Variants in SETBP1 observed in about 807,000 individuals in gnomAD.
SETBP1 encodes the protein SET binding protein 1.
In SETBP1, 9 loss-of-function variants were observed where a neutral mutation model predicts 101.0. That is an observed-to-expected ratio of 0.09 (90% CI 0.05 to 0.16). The LOEUF is 0.16. SETBP1 is among the 10% of genes least tolerant of loss of function. SETBP1 has a pLI of 1.00. For missense variants in SETBP1, 1,858 were observed against 2,033.8 expected, an observed-to-expected ratio of 0.91 and a Z score of 1.66; for synonymous variants, 818 against 788.5, an observed-to-expected ratio of 1.04 and a Z score of -0.63.
In SETBP1 at chr18:44,951,599, T is replaced by C. The variant is rs141924960; in HGVS notation, c.2259T>C (p.Ser753=). 5 of 1,614,058 alleles carry C rather than the reference T, an allele frequency of 3.1e-6. No homozygotes were observed. The highest frequency in any genetic ancestry group is 4.2e-6 in the Non-Finnish European group (5 of 1,180,034). ...KTAIKHPRPV[S]SQPDVPAVPS... is the part of the protein sequence containing the mutation. ...CCATCAAGCACCCCAGGCCTGTTTCTAGCCAGCCGGATGTTCCAGCCGTGC... is the reference window on the plus strand; with the variant it reads ...CCATCAAGCACCCCAGGCCTGTTTCCAGCCAGCCGGATGTTCCAGCCGTGC... Residue 753 remains serine (S), a synonymous_variant, in exon 4 of 6, where the codon TCT becomes TCC. Transcript: ENST00000649279. The surrounding 1 kb of genome is among the most constrained non-coding windows in gnomAD (Gnocchi z 7.8).
intron 3 of SETBP1, among the ~76,000 whole-genome samples, chr18:44,910,215 T>G (rs1375804948): frequency 6.6e-6 from 1 of 152,192 alleles, no homozygotes; most frequent in East Asian, 1.9e-4. Flanking sequence ...TCCTATGGCC[T>G]TCATGATGTA....
intron 4 of SETBP1, among the ~76,000 whole-genome samples, chr18:44,991,243 A>C (rs12963683): frequency 8.9e-6 from 1 of 112,632 alleles, no homozygotes; most frequent in Non-Finnish European, 1.8e-5. Context: ...ACTGCATCTC[A>C]CAAAAAAAAA....
At chr18:44,861,008 A>AT (rs1255537123) in intron 2 of SETBP1, among the ~76,000 whole-genome samples, 1 of 152,022 alleles carries the variant, frequency 6.6e-6, no homozygotes, top group Non-Finnish European at 1.5e-5. Flanking sequence ...TGCCAAATTT[A>AT]TTTTTTACAA....
intron 4 of SETBP1, among the ~76,000 whole-genome samples, chr18:44,975,675 C>T (rs572338712): frequency 1.1e-4 from 16 of 152,234 alleles, no homozygotes; most frequent in East Asian, 3.9e-4. Flanking sequence ...TACATAACTT[C>T]GCATAGCTTT....
intron 2 of SETBP1, among the ~76,000 whole-genome samples, chr18:44,702,146 A>G (rs2069126862): frequency 1.3e-5 from 2 of 152,210 alleles, no homozygotes; most frequent in Non-Finnish European, 2.9e-5. Context: ...TAAGAAAATC[A>G]AAAAGAAGAA....
At chr18:44,931,040 A>G (rs552763088) in intron 3 of SETBP1, among the ~76,000 whole-genome samples, 2 of 152,206 alleles carry the variant, frequency 1.3e-5, no homozygotes, top group Non-Finnish European at 2.9e-5. Context: ...TAGGGTGTCA[A>G]TTTTAGATCT....
chr18:44,753,430 G>T (rs1360968455), intron 2 of SETBP1, among the ~76,000 whole-genome samples: 2 of 152,220 alleles, frequency 1.3e-5, no homozygotes, highest in Non-Finnish European at 2.9e-5. Context: ...CATAGCCTGG[G>T]TTACTTAATG....
chr18:44,798,423 A>G (rs1196567545), intron 2 of SETBP1, among the ~76,000 whole-genome samples: 1 of 152,208 alleles, frequency 6.6e-6, no homozygotes, highest in Non-Finnish European at 1.5e-5. Flanking sequence ...CCCTCTGACC[A>G]TCTTTTCTTT....
chr18:44,872,684 A>G (rs952875152), intron 3 of SETBP1, among the ~76,000 whole-genome samples: 1 of 152,266 alleles, frequency 6.6e-6, no homozygotes, highest in Non-Finnish European at 1.5e-5. Flanking sequence ...AGTTCCTACA[A>G]GAATGTGCAG....
intron 4 of SETBP1, among the ~76,000 whole-genome samples, chr18:44,976,837 T>G (rs924680787): frequency 6.6e-6 from 1 of 152,200 alleles, no homozygotes; most frequent in Non-Finnish European, 1.5e-5. Flanking sequence ...GCTGAGAACA[T>G]AGCCTGGCAT....
intron 3 of SETBP1, among the ~76,000 whole-genome samples, chr18:44,900,061 A>C: frequency 6.6e-6 from 1 of 152,204 alleles, no homozygotes; most frequent in East Asian, 1.9e-4. Flanking sequence ...CTTTATTTAA[A>C]AAACAGGTGA....
intron 4 of SETBP1, among the ~76,000 whole-genome samples, chr18:44,997,615 C>A (rs1014697270): frequency 6.6e-6 from 1 of 152,108 alleles, no homozygotes; most frequent in Admixed American, 6.6e-5. Flanking sequence ...GAAATGGATA[C>A]CATATCTTTA....
intron 3 of SETBP1, among the ~76,000 whole-genome samples, chr18:44,934,184 T>C (rs1469370095): frequency 6.6e-6 from 1 of 151,826 alleles, no homozygotes; most frequent in Non-Finnish European, 1.5e-5. Flanking sequence ...AGTCTTGCTC[T>C]GTTGCCCAGG....
At chr18:44,690,704 G>A (rs1001989615) in intron 1 of SETBP1, among the ~76,000 whole-genome samples, 1 of 152,180 alleles carries the variant, frequency 6.6e-6, no homozygotes, top group African/African-American at 2.4e-5. Context: ...TTTCTTATCT[G>A]TAAAATGGAT....
At chr18:44,979,171 C>A (rs927887707) in intron 4 of SETBP1, among the ~76,000 whole-genome samples, 1 of 152,184 alleles carries the variant, frequency 6.6e-6, no homozygotes, top group African/African-American at 2.4e-5. Context: ...CTTCTACGGG[C>A]TTTTTGGCCA....
intron 2 of SETBP1, among the ~76,000 whole-genome samples, chr18:44,808,961 G>T (rs2071804231): frequency 6.6e-6 from 1 of 152,192 alleles, no homozygotes; most frequent in East Asian, 1.9e-4. Flanking sequence ...AACCAATGGT[G>T]CAGATTCCTT....
Position 44,909,370 on chromosome 18 carries a change from G to T in SETBP1, c.540+40087G>T, listed in dbSNP as rs1308238078. 2.6e-5 allele frequency among the ~76,000 whole-genome samples: 4 copies of T among 152,300 alleles called. No individual in the cohort carries two copies. The East Asian group carries it at 7.7e-4, about 29-fold the overall frequency. On this transcript the variant is annotated intron_variant, in intron 3 of 5. Coordinates refer to ENST00000649279, the MANE Select transcript of SETBP1 (RefSeq NM_015559.3). The stretch of plus-strand genomic sequence containing the variant: ...CAGAATCCAGTAATCCAGTTTGTAG[G>T]TGTCTGCTCGGCTGTCATTTGTTCT...
chr18:44,804,848 T>A (rs1473784576), intron 2 of SETBP1, among the ~76,000 whole-genome samples: 7 of 152,118 alleles, frequency 4.6e-5, no homozygotes, highest in Non-Finnish European at 8.8e-5. Context: ...CTCTCATGGT[T>A]TTTTTCTCCG....
chr18:44,725,298 GA>G (rs1269046992), intron 2 of SETBP1, among the ~76,000 whole-genome samples: 1 of 152,140 alleles, frequency 6.6e-6, no homozygotes, highest in African/African-American at 2.4e-5. Context: ...TCACATCTAA[GA>G]GAGACTATAA....
Sources: gnomAD v4.1 joint callset for allele counts (sites outside exome capture counted in the v4.1 genomes callset) on GRCh38, gnomAD v4.1.1 for gene constraint, Gnocchi (gnomAD v3.1) non-coding constraint, MANE v1.5 for transcripts, NCBI Gene and HGNC (gene_info 2026-07-23, HGNC 2026-07-21) for gene names.